Variants in EIPR1 observed in about 807,000 individuals in gnomAD.
EIPR1 encodes EARP complex and GARP complex interacting protein 1.
Under a neutral mutation model 48.1 loss-of-function variants are expected in EIPR1, and 25 were observed. The ratio of observed to expected loss-of-function variants is 0.52; its 90% CI spans 0.38 to 0.73. The LOEUF is 0.73. Ranked by LOEUF, EIPR1 falls within the 30% of genes least tolerant of loss-of-function variation. EIPR1 has a pLI of 0.00. For missense variants in EIPR1, 415 were observed against 506.2 expected, an observed-to-expected ratio of 0.82 and a Z score of 1.73; for synonymous variants, 204 against 201.9, an observed-to-expected ratio of 1.01 and a Z score of -0.09.
intron 3 of EIPR1, among the ~76,000 whole-genome samples, chr2:3,304,730 A>C (rs1668866277): frequency 6.8e-6 from 1 of 147,630 alleles, no homozygotes; most frequent in African/African-American, 2.5e-5. Context: ...AGTCCCGTCC[A>C]ATTCAGCCCT....
intron 3 of EIPR1, among the ~76,000 whole-genome samples, chr2:3,333,508 C>T (rs1008599099): frequency 4.6e-5 from 7 of 151,926 alleles, no homozygotes; most frequent in African/African-American, 1.2e-4. Context: ...GAGGGTGAAG[C>T]GGGTAGATCA....
intron 3 of EIPR1, among the ~76,000 whole-genome samples, chr2:3,281,378 C>A (rs915021090): frequency 6.6e-6 from 1 of 152,056 alleles, no homozygotes; most frequent in African/African-American, 2.4e-5. Flanking sequence ...TCTCAAAAGT[C>A]AGAAGTCTTC....
intron 1 of EIPR1, among the ~76,000 whole-genome samples, chr2:3,365,927 C>A (rs1299717073): frequency 4.2e-5 from 5 of 118,290 alleles, no homozygotes; most frequent in Non-Finnish European, 9.9e-5. Context: ...GGGAGTCAGC[C>A]CCCCGCCCGG....
intron 1 of EIPR1, among the ~76,000 whole-genome samples, chr2:3,359,434 A>G (rs965073226): frequency 2.3e-4 from 35 of 152,210 alleles, no homozygotes; most frequent in African/African-American, 7.5e-4. Flanking sequence ...ACAAGTCTAA[A>G]TAGATCATCT....
At chr2:3,215,758 G>A (rs2167963) in intron 4 of EIPR1, among the ~76,000 whole-genome samples, 138,997 of 152,264 alleles carry the variant, frequency 0.91, 63,799 homozygotes, top group East Asian at 0.98. Context: ...CCCTTACACC[G>A]TCATCTCAAG....
intron 3 of EIPR1, among the ~76,000 whole-genome samples, chr2:3,285,940 C>T (rs888579542): frequency 5.3e-5 from 8 of 151,954 alleles, no homozygotes; most frequent in Non-Finnish European, 1.2e-4. Context: ...CCGGGACCCT[C>T]GCACGGAGCA....
chr2:3,198,354 T>C (rs1664882292), intron 5 of EIPR1, among the ~76,000 whole-genome samples: 1 of 152,152 alleles, frequency 6.6e-6, no homozygotes, highest in Non-Finnish European at 1.5e-5. Context: ...AAAACAGTCC[T>C]GGTCAGAAGC....
At chr2:3,361,370 A>G (rs1352636513) in intron 1 of EIPR1, among the ~76,000 whole-genome samples, 1 of 150,558 alleles carries the variant, frequency 6.6e-6, no homozygotes, top group Admixed American at 6.6e-5. Context: ...AAGGAAACAG[A>G]GCCATCTCTG....
intron 8 of EIPR1, among the ~76,000 whole-genome samples, chr2:3,192,028 C>T (rs1003195200): frequency 7.9e-5 from 12 of 152,332 alleles, no homozygotes; most frequent in Middle Eastern, 3.4e-3. Flanking sequence ...CGCTCAAATC[C>T]ACGCCAGTGA....
chr2:3,242,476 C>T (rs112640681), intron 4 of EIPR1, among the ~76,000 whole-genome samples: 13 of 148,736 alleles, frequency 8.7e-5, no homozygotes, highest in African/African-American at 2.2e-4. Context: ...CCACACCCAC[C>T]GATGGCTGGA....
chr2:3,329,988 G>A (rs1669837217), intron 3 of EIPR1, among the ~76,000 whole-genome samples: 1 of 151,934 alleles, frequency 6.6e-6, no homozygotes, highest in Non-Finnish European at 1.5e-5. Context: ...TGATCTCGAG[G>A]TGCCAGCCTG....
At chr2:3,350,198 C>A (rs1025049983) in intron 2 of EIPR1, among the ~76,000 whole-genome samples, 4 of 150,866 alleles carry the variant, frequency 2.7e-5, no homozygotes, top group Non-Finnish European at 5.9e-5. Flanking sequence ...ACTCACAGTG[C>A]CACAGGCTAT....
intron 4 of EIPR1, among the ~76,000 whole-genome samples, chr2:3,222,359 T>C (rs1381850703): frequency 1.3e-5 from 2 of 152,254 alleles, no homozygotes; most frequent in South Asian, 2.1e-4. Context: ...AGGGATATAC[T>C]TCTCTATGAA....
chr2:3,214,128 T>C (rs1205942697), intron 5 of EIPR1, 21 bp downstream of exon 5: 1 of 1,603,102 alleles, frequency 6.2e-7, no homozygotes, highest in Admixed American at 1.7e-5. Flanking sequence ...AAACAAACGC[T>C]GTGTTGTTGC....
At position 3,312,261 on chromosome 2, in the gene EIPR1, G is replaced by A. The variant is rs1001370303; in HGVS notation, c.259+25756C>T. ...TGGCCACTGAGGCCGCATTCCGGGT[G>A]TGCTCTGACGTTTTACCCGCCATCC... is the stretch of plus-strand genomic sequence containing the variant. On this transcript the variant is annotated intron_variant, in intron 3 of 8. Coordinates refer to ENST00000382125, the MANE Select transcript of EIPR1 (RefSeq NM_003310.5). The surrounding 1 kb of genome is among the most constrained non-coding windows in gnomAD (Gnocchi z 5.5). Among the ~76,000 whole-genome samples, 10 of 152,300 alleles carry A rather than the reference G, an allele frequency of 6.6e-5. No homozygotes were observed. The highest frequency in any genetic ancestry group is 2.6e-4 in the Admixed American group (4 of 15,304).
intron 5 of EIPR1, among the ~76,000 whole-genome samples, chr2:3,202,934 C>T (rs1411583577): frequency 1.3e-5 from 2 of 152,214 alleles, no homozygotes; most frequent in African/African-American, 2.4e-5. Flanking sequence ...GCTCCTCAGC[C>T]GTGCCGAGTG....
chr2:3,287,105 C>A (rs1051008105), intron 3 of EIPR1, among the ~76,000 whole-genome samples: 1 of 152,244 alleles, frequency 6.6e-6, no homozygotes, highest in Non-Finnish European at 1.5e-5. Flanking sequence ...CACATCACAC[C>A]TAGACCCAGC....
chr2:3,377,790 T>A lies in EIPR1; in HGVS notation c.-101A>T. 22 of 1,249,784 alleles carry A rather than the reference T, an allele frequency of 1.8e-5. No homozygotes were observed. The highest frequency in any genetic ancestry group is 2.2e-5 in the Non-Finnish European group (20 of 892,790). 77.4% of individuals were successfully genotyped at this position (1,249,784 alleles called of 1,614,324 possible). A position where few individuals can be genotyped will look rare whatever the true frequency, so the allele number is the denominator to read the frequency against. On this transcript the variant is annotated 5_prime_UTR_variant, in exon 1 of 9. Transcript: ENST00000382125. ...GGGCGTGTTCCCAGCGCCCATTCAT[T>A]CCCTCCCCGCAGCAAACGACTCCAA...
At chr2:3,223,327 C>T (rs1218210403) in intron 4 of EIPR1, among the ~76,000 whole-genome samples, 6 of 152,076 alleles carry the variant, frequency 3.9e-5, no homozygotes, top group African/African-American at 9.7e-5. Flanking sequence ...TGATCACCAC[C>T]GGCACCCGGG....
Sources: allele counts gnomAD v4.1 joint callset (sites outside exome capture counted in the v4.1 genomes callset), GRCh38; gene constraint gnomAD v4.1.1; non-coding constraint Gnocchi (gnomAD v3.1); transcripts MANE v1.5; gene names NCBI Gene and HGNC (gene_info 2026-07-23, HGNC 2026-07-21).